The following NOVA1 variants were observed in gnomAD, a reference collection of about 807,000 sequenced individuals.
The protein encoded by NOVA1 is RNA-binding protein Nova-1.
In NOVA1, 7 loss-of-function variants were observed where a neutral mutation model predicts 38.0. The observed-to-expected ratio is 0.18, with a 90% CI of 0.10 to 0.35. NOVA1 has a LOEUF of 0.35. NOVA1 is among the 10% of genes least tolerant of loss of function. The probability of loss-of-function intolerance (pLI) is 1.00; values close to 1 mark genes in which losing one functional copy is unlikely to be tolerated. For missense variants in NOVA1, 460 were observed against 616.0 expected (o/e 0.75, Z 2.68); for synonymous variants, 270 against 232.5 (o/e 1.16, Z -1.47).
At chr14:26,556,305 T>C (rs1028456239) in intron 2 of NOVA1, among the ~76,000 whole-genome samples, 9 of 152,170 alleles carry the variant, frequency 5.9e-5, no homozygotes, top group Admixed American at 2.6e-4. Context: ...ACTTGATCAA[T>C]GGACAGAACA....
rs1045754264 is a variant in NOVA1, at chr14:26,573,944, A to G, written c.280+21466T>C. 2.6e-4 allele frequency among the ~76,000 whole-genome samples: 39 copies of G among 152,256 alleles called. No individual in the cohort carries two copies. In the East Asian group the frequency reaches 5.0e-3, roughly 20 times the overall value. ...AGCAAAAGTACACAAAGTGCAAGAC[A>G]ATAAAAACATAAGGCTGAGCCACAT... On this transcript the variant is annotated intron_variant, in intron 2 of 4. Coordinates refer to ENST00000539517, the MANE Select transcript of NOVA1 (RefSeq NM_002515.3).
chr14:26,577,318 A>G (rs1367449907), intron 2 of NOVA1, among the ~76,000 whole-genome samples: 1 of 152,132 alleles, frequency 6.6e-6, no homozygotes, highest in Non-Finnish European at 1.5e-5. Flanking sequence ...TCTTAAATAT[A>G]AATTTCCTAC....
chr14:26,451,073 T>A (rs1428393058), intron 4 of NOVA1, among the ~76,000 whole-genome samples: 2 of 152,102 alleles, frequency 1.3e-5, no homozygotes, highest in Admixed American at 6.6e-5. Context: ...ACAAGAAAAG[T>A]ACAGAAAAGG....
chr14:26,538,527 T>G (rs1021834353), intron 2 of NOVA1, among the ~76,000 whole-genome samples: 1 of 152,182 alleles, frequency 6.6e-6, no homozygotes, highest in African/African-American at 2.4e-5. Flanking sequence ...GTTTGATACT[T>G]TTGATTACCC....
chr14:26,465,318 G>T (rs1884022940), intron 4 of NOVA1, among the ~76,000 whole-genome samples: 1 of 152,104 alleles, frequency 6.6e-6, no homozygotes, highest in Non-Finnish European at 1.5e-5. Flanking sequence ...GGGATTAAAG[G>T]CGTGCACCAC....
chr14:26,460,887 A>C (rs949448410), intron 4 of NOVA1, among the ~76,000 whole-genome samples: 1 of 152,194 alleles, frequency 6.6e-6, no homozygotes, highest in Non-Finnish European at 1.5e-5. Flanking sequence ...AGATATTTTC[A>C]ATTTTATATG....
chr14:26,458,815 G>A (rs1883402115), intron 4 of NOVA1, among the ~76,000 whole-genome samples: 1 of 151,938 alleles, frequency 6.6e-6, no homozygotes, highest in South Asian at 2.1e-4. Flanking sequence ...TAAAATAAAT[G>A]CTGAAAGGAA....
At chr14:26,461,629 T>C (rs930226813) in intron 4 of NOVA1, among the ~76,000 whole-genome samples, 3 of 151,862 alleles carry the variant, frequency 2.0e-5, no homozygotes, top group African/African-American at 7.3e-5. Flanking sequence ...CTAAACGACC[T>C]TAAAAACTCC....
At chr14:26,463,546 TAGG>T (rs1379689026) in intron 4 of NOVA1, among the ~76,000 whole-genome samples, 1 of 152,294 alleles carries the variant, frequency 6.6e-6, no homozygotes, top group Non-Finnish European at 1.5e-5. Flanking sequence ...CATATGAACC[TAGG>T]AGTTCTTTGT....
At chr14:26,490,121 T>G (rs1414630915) in intron 2 of NOVA1, among the ~76,000 whole-genome samples, 1 of 152,236 alleles carries the variant, frequency 6.6e-6, no homozygotes, top group Non-Finnish European at 1.5e-5. Context: ...ATCTGTCTGG[T>G]GTCTGGCTTA....
chr14:26,470,444 T>C (rs1336744874), intron 4 of NOVA1: 1 of 1,559,200 alleles, frequency 6.4e-7, no homozygotes. Context: ...TTTTGTTTTG[T>C]TCTTCTCTTA....
At chr14:26,537,186 T>C (rs1449073135) in intron 2 of NOVA1, among the ~76,000 whole-genome samples, 3 of 151,922 alleles carry the variant, frequency 2.0e-5, no homozygotes, top group Non-Finnish European at 4.4e-5. Flanking sequence ...TAAGATGAAA[T>C]AGTGTAGAAA....
Position 26,507,199 on chromosome 14 carries a change from T to C in NOVA1, c.281-27056A>G, listed in dbSNP as rs148610479. 3.4e-3 allele frequency among the ~76,000 whole-genome samples: 509 copies of C among 151,862 alleles called. 3 individuals carry two copies. The highest frequency in any genetic ancestry group is 0.012 in the African/African-American group (489 of 41,440). On this transcript the variant is annotated intron_variant, in intron 2 of 4. Transcript: ENST00000539517. ...GAACATTAAGAAATCCACTTAACGC[T>C]CAGATAAAGGGCACACCTACTTAAT...
Position 26,475,126 on chromosome 14 carries a change from G to A in NOVA1, c.448-2735C>T, listed in dbSNP as rs150342916. On this transcript the variant is annotated intron_variant, in intron 3 of 4. Transcript: ENST00000539517. ...CAGATTTCTTATAAAACAAAAATCC[G>A]TAAGAAATATTTCAATGTGCAATAT... Among the ~76,000 whole-genome samples, 1,316 of 152,078 alleles carry A rather than the reference G, an allele frequency of 8.7e-3. 13 individuals carry two copies. Among genetic ancestry groups the A allele is most frequent in the Middle Eastern group, 0.037 (11 of 294 alleles).
intron 4 of NOVA1, among the ~76,000 whole-genome samples, chr14:26,467,118 T>C (rs1402092147): frequency 6.6e-6 from 1 of 152,098 alleles, no homozygotes. Flanking sequence ...TTCCCAAGTA[T>C]TGAGACCTGG....
chr14:26,470,986 A>C (rs1437806737), intron 4 of NOVA1, among the ~76,000 whole-genome samples: 1 of 152,126 alleles, frequency 6.6e-6, no homozygotes. Context: ...TAAAAATGTA[A>C]GTATACTTTT....
At chr14:26,461,218 A>AT (rs1883636491) in intron 4 of NOVA1, among the ~76,000 whole-genome samples, 3 of 152,300 alleles carry the variant, frequency 2.0e-5, no homozygotes, top group African/African-American at 7.2e-5. Flanking sequence ...GATGTAAAAA[A>AT]AGGAATGTTA....
chr14:26,486,567 G>C (rs553591712), intron 2 of NOVA1, among the ~76,000 whole-genome samples: 39 of 151,616 alleles, frequency 2.6e-4, no homozygotes, highest in Admixed American at 1.2e-3. Flanking sequence ...AAATTAGCCA[G>C]GCGTGGTGGT....
chr14:26,571,939 A>G (rs1892505334), intron 2 of NOVA1, among the ~76,000 whole-genome samples: 1 of 152,212 alleles, frequency 6.6e-6, no homozygotes, highest in South Asian at 2.1e-4. Context: ...ATATAAATAA[A>G]GAAGGTGAAA....
Sources: allele counts gnomAD v4.1 joint callset (sites outside exome capture counted in the v4.1 genomes callset), GRCh38; gene constraint gnomAD v4.1.1; transcripts MANE v1.5; gene names NCBI Gene and HGNC (gene_info 2026-07-23, HGNC 2026-07-21).